The following POU2F1 variants were observed in gnomAD, a reference collection of about 807,000 sequenced individuals.
POU2F1 encodes POU domain, class 2, transcription factor 1.
Under a neutral mutation model 84.9 loss-of-function variants are expected in POU2F1, and 16 were observed. The ratio of observed to expected loss-of-function variants is 0.19; its 90% CI spans 0.13 to 0.29. The LOEUF (loss-of-function observed/expected upper bound fraction) is 0.29, where lower values mean the gene tolerates loss of function less well. Ranked by LOEUF, POU2F1 falls within the 10% of genes least tolerant of loss-of-function variation. POU2F1 has a pLI of 1.00. For missense variants in POU2F1, 738 were observed against 942.6 expected (o/e 0.78, Z 2.84); for synonymous variants, 368 against 368.3 (o/e 1.00, Z 0.01).
intron 13 of POU2F1, among the ~76,000 whole-genome samples, chr1:167,410,343 C>CTGAAGAG (rs1571464719): frequency 1.3e-5 from 2 of 152,188 alleles, no homozygotes; most frequent in East Asian, 3.9e-4. Context: ...GTGATAAAAA[C>CTGAAGAG]TGAAGAGTGG....
At chr1:167,221,191 G>A (rs975613964) in intron 1 of POU2F1, among the ~76,000 whole-genome samples, 2 of 151,534 alleles carry the variant, frequency 1.3e-5, no homozygotes, top group Non-Finnish European at 3.0e-5. Context: ...GCGATCCACT[G>A]CCCTCCTCCT....
chr1:167,352,264 A>G (rs1234849528), intron 2 of POU2F1, among the ~76,000 whole-genome samples: 1 of 152,212 alleles, frequency 6.6e-6, no homozygotes, highest in African/African-American at 2.4e-5. Context: ...AAAATGTAAT[A>G]TTTCTTGTGG....
intron 1 of POU2F1, among the ~76,000 whole-genome samples, chr1:167,266,649 G>A (rs1651983441): frequency 6.8e-6 from 1 of 147,524 alleles, no homozygotes; most frequent in Non-Finnish European, 1.5e-5. Flanking sequence ...TTTTGAGATG[G>A]AGTCTCGCTC....
chr1:167,364,504 T>G lies in POU2F1; in HGVS notation c.128-963T>G, dbSNP rs1222564749. Among the ~76,000 whole-genome samples the G allele has an allele frequency of 2.6e-4, 11 of 42,698 alleles. No homozygotes were observed. The East Asian group carries it at 7.6e-3, about 29-fold the overall frequency. 28.0% of individuals were successfully genotyped at this position (42,698 alleles called of 152,430 possible). A position where few individuals can be genotyped will look rare whatever the true frequency, so the allele number is the denominator to read the frequency against. ...GAGATCCCGCCACTGCACTCCAGCCTGGGCGACAGAGCGAGCTCCGTCTCA... is the reference window on the plus strand; with the variant it reads ...GAGATCCCGCCACTGCACTCCAGCCGGGGCGACAGAGCGAGCTCCGTCTCA... On this transcript the variant is annotated intron_variant, in intron 2 of 15. Transcript: ENST00000367866.
chr1:167,318,251 A>G (rs973731386), intron 1 of POU2F1, among the ~76,000 whole-genome samples: 2 of 152,332 alleles, frequency 1.3e-5, no homozygotes, highest in South Asian at 4.1e-4. Flanking sequence ...ACAGTGGGCC[A>G]TATCATTTGA....
chr1:167,380,182 C>T (rs1473095700), intron 7 of POU2F1: 1 of 152,266 alleles, frequency 6.6e-6, no homozygotes, highest in Non-Finnish European at 1.5e-5. Flanking sequence ...GGCTCTGCCA[C>T]TTACCTGTGT....
intron 3 of POU2F1, among the ~76,000 whole-genome samples, chr1:167,369,884 T>C (rs1659900218): frequency 6.6e-6 from 1 of 152,210 alleles, no homozygotes; most frequent in Admixed American, 6.5e-5. Flanking sequence ...GTAAGGAGCA[T>C]TCAATACAAG....
In POU2F1 at chr1:167,423,187, G is replaced by A. The variant is rs1244267627; in HGVS notation, c.*7377G>A. On this transcript the variant is annotated 3_prime_UTR_variant, in exon 16 of 16. Coordinates refer to ENST00000367866, the MANE Select transcript of POU2F1 (RefSeq NM_002697.4). ...AACAGGATTACGTGGAAAACCAAAA[G>A]ATCTTCCCTTACTCTCCTATAAATG... is the stretch of plus-strand genomic sequence containing the variant. The A allele has an allele frequency of 6.6e-6, 1 of 152,184 alleles. No homozygotes were observed. Among genetic ancestry groups the A allele is most frequent in the African/African-American group, 2.4e-5 (1 of 41,448 alleles). 9.4% of individuals were successfully genotyped at this position (152,184 alleles called of 1,614,324 possible).
At chr1:167,397,733 A>T (rs1648912536) in intron 10 of POU2F1, among the ~76,000 whole-genome samples, 1 of 152,036 alleles carries the variant, frequency 6.6e-6, no homozygotes. Context: ...TTTGGTAGAG[A>T]TGGGGTTTCA....
intron 1 of POU2F1, among the ~76,000 whole-genome samples, chr1:167,283,789 C>T (rs961026993): frequency 1.3e-5 from 2 of 152,112 alleles, no homozygotes; most frequent in Non-Finnish European, 2.9e-5. Flanking sequence ...AAGTGTCAAG[C>T]GGTCTTCTGT....
chr1:167,289,207 T>C (rs1382543965), intron 1 of POU2F1, among the ~76,000 whole-genome samples: 1 of 152,210 alleles, frequency 6.6e-6, no homozygotes, highest in African/African-American at 2.4e-5. Context: ...TATTGTGGAC[T>C]TAAATCTAAT....
At chr1:167,251,226 C>G (rs138592543) in intron 1 of POU2F1, among the ~76,000 whole-genome samples, 2 of 148,744 alleles carry the variant, frequency 1.3e-5, no homozygotes, top group South Asian at 2.1e-4. Flanking sequence ...TGTGAAACCC[C>G]CATCTCTACA....
chr1:167,329,676 A>G (rs2101722403), intron 1 of POU2F1, among the ~76,000 whole-genome samples: 1 of 152,276 alleles, frequency 6.6e-6, no homozygotes, highest in Middle Eastern at 3.4e-3. Flanking sequence ...ACATATTAAT[A>G]AAAATGTTTT....
At chr1:167,316,980 C>T (rs2102619260) in intron 1 of POU2F1, among the ~76,000 whole-genome samples, 1 of 152,268 alleles carries the variant, frequency 6.6e-6, no homozygotes, top group Admixed American at 6.5e-5. Flanking sequence ...CAACTTCTGC[C>T]TCCTGGGTTC....
At chr1:167,305,895 A>G (rs770406150) in intron 1 of POU2F1, among the ~76,000 whole-genome samples, 3 of 152,102 alleles carry the variant, frequency 2.0e-5, no homozygotes, top group Non-Finnish European at 4.4e-5. Flanking sequence ...AACAACTAAC[A>G]TTTCCTGGAA....
rs1571482318 is a variant in POU2F1 at position 167,418,304 on chromosome 1, T to G, written c.*2494T>G. 6 of 152,374 alleles carry G rather than the reference T, an allele frequency of 3.9e-5. No homozygotes were observed. Among genetic ancestry groups the G allele is most frequent in the African/African-American group, 1.4e-4 (6 of 41,590 alleles). The allele number at this position is 152,374 out of a possible 1,614,324, so 9.4% of individuals were successfully genotyped here. On this transcript the variant is annotated 3_prime_UTR_variant, in exon 16 of 16. Transcript: ENST00000367866. ...TTGATGTTTAACTAGTTTATTAGGTTGGTGTGTAAATAGAATGACAATGTC... is the reference window on the plus strand; with the variant it reads ...TTGATGTTTAACTAGTTTATTAGGTGGGTGTGTAAATAGAATGACAATGTC...
chr1:167,221,539 C>T (rs181206959), intron 1 of POU2F1, among the ~76,000 whole-genome samples: 1 of 149,006 alleles, frequency 6.7e-6, no homozygotes, highest in Non-Finnish European at 1.5e-5. Flanking sequence ...ACGCGTCTTC[C>T]CCCGGGAGCG....
chr1:167,329,144 A>C (rs1303487729), intron 1 of POU2F1: 12 of 1,398,254 alleles, frequency 8.6e-6, no homozygotes, highest in Non-Finnish European at 1.1e-5. Flanking sequence ...TTTCCACCCT[A>C]CGCAACCCCC....
chr1:167,386,395 A>G (rs1359471259), intron 8 of POU2F1, among the ~76,000 whole-genome samples: 1 of 152,174 alleles, frequency 6.6e-6, no homozygotes. Flanking sequence ...CATGTTGCCT[A>G]GGCTGGTCTT....
Sources: gnomAD v4.1 joint callset for allele counts (sites outside exome capture counted in the v4.1 genomes callset) on GRCh38, gnomAD v4.1.1 for gene constraint, MANE v1.5 for transcripts, NCBI Gene and HGNC (gene_info 2026-07-23, HGNC 2026-07-21) for gene names.